The following PARN variants were observed in gnomAD, a reference collection of about 807,000 sequenced individuals.
PARN encodes poly(A)-specific ribonuclease, also known as poly(A)-specific ribonuclease PARN.
In PARN, 71 loss-of-function variants were observed where a neutral mutation model predicts 102.8. The ratio of observed to expected loss-of-function variants is 0.69; its 90% confidence interval spans 0.57 to 0.84. The LOEUF (loss-of-function observed/expected upper bound fraction) is 0.84, where lower values mean the gene tolerates loss of function less well. PARN is among the 40% of genes least tolerant of loss of function. The pLI is 0.00. For synonymous variants in PARN, 261 were observed against 252.9 expected, an observed-to-expected ratio of 1.03 and a Z score of -0.30; for missense variants, 782 against 760.9, an observed-to-expected ratio of 1.03 and a Z score of -0.33.
intron 11 of PARN, among the ~76,000 whole-genome samples, chr16:14,603,389 T>C (rs1873820082): frequency 6.6e-6 from 1 of 152,180 alleles, no homozygotes; most frequent in Non-Finnish European, 1.5e-5. Context: ...CTAATGTACA[T>C]ATGAGCATGA....
rs184861311 is a variant in PARN, at chr16:14,608,941, T to C, written c.620+117A>G. ...AGTTAGTGTTTAATTCTTGAGAACA[T>C]AGCAATAATAAAAAGACCCTTTATA... On this transcript the variant is annotated intron_variant, in intron 8 of 23. Transcript: ENST00000437198. The C allele has an allele frequency of 6.3e-4, 404 of 641,498 alleles. 3 individuals carry two copies. In the African/African-American group the frequency reaches 6.7e-3, roughly 11 times the overall value. The allele number at this position is 641,498 out of a possible 1,614,324, so 39.7% of individuals were successfully genotyped here.
intron 21 of PARN, among the ~76,000 whole-genome samples, chr16:14,512,153 T>A (rs899964126): frequency 3.3e-5 from 5 of 152,196 alleles, no homozygotes; most frequent in African/African-American, 4.8e-5. Context: ...TAGCTAAGAA[T>A]TACCATTTAG....
At chr16:14,465,428 T>A (rs1962274792) in intron 22 of PARN, among the ~76,000 whole-genome samples, 1 of 152,112 alleles carries the variant, frequency 6.6e-6, no homozygotes, top group East Asian at 1.9e-4. Context: ...ACCGACTAAA[T>A]AAGAAATATA....
intron 23 of PARN, among the ~76,000 whole-genome samples, chr16:14,445,611 G>C (rs1483499224): frequency 6.6e-6 from 1 of 152,192 alleles, no homozygotes; most frequent in Non-Finnish European, 1.5e-5. Flanking sequence ...GCCCAGGATG[G>C]AGTGCAGTGG....
At chr16:14,605,219 C>T (rs541860662) in intron 10 of PARN, among the ~76,000 whole-genome samples, 1 of 152,350 alleles carries the variant, frequency 6.6e-6, no homozygotes, top group South Asian at 2.1e-4. Context: ...GCTGGGATTA[C>T]AGGCCTGAGC....
intron 21 of PARN, among the ~76,000 whole-genome samples, chr16:14,528,270 G>GAA (rs1259603591): frequency 3.3e-5 from 5 of 152,144 alleles, no homozygotes; most frequent in African/African-American, 1.2e-4. Flanking sequence ...CTACTGAAGT[G>GAA]GGACCCCCAC....
chr16:14,450,535 CAT>C (rs554546406), intron 22 of PARN, among the ~76,000 whole-genome samples: 7 of 151,618 alleles, frequency 4.6e-5, no homozygotes, highest in Non-Finnish European at 8.8e-5. Context: ...CACACACACA[CAT>C]ATATATATAC....
intron 5 of PARN, among the ~76,000 whole-genome samples, chr16:14,621,848 G>A (rs1972323135): frequency 6.6e-6 from 1 of 151,236 alleles, no homozygotes; most frequent in African/African-American, 2.4e-5. Flanking sequence ...AAACCTTTTG[G>A]AGTTTACTAG....
intron 21 of PARN, among the ~76,000 whole-genome samples, chr16:14,536,393 T>C (rs930658592): frequency 3.9e-5 from 6 of 152,078 alleles, no homozygotes; most frequent in Admixed American, 6.6e-5. Context: ...GCCTCAGAAA[T>C]AAGGATCCTT....
At chr16:14,602,798 GT>G (rs765274530) in intron 11 of PARN, among the ~76,000 whole-genome samples, 24 of 152,254 alleles carry the variant, frequency 1.6e-4, no homozygotes, top group East Asian at 1.9e-4. Flanking sequence ...TTCTGAGGAG[GT>G]GTGGGGCTCT....
At chr16:14,609,910 G>A (rs922322089) in intron 7 of PARN, among the ~76,000 whole-genome samples, 1 of 152,178 alleles carries the variant, frequency 6.6e-6, no homozygotes, top group Non-Finnish European at 1.5e-5. Context: ...CAGCTGATTA[G>A]CATTTAAAAA....
intron 10 of PARN, 42 bp from the exon 11 acceptor site, chr16:14,604,268 C>T (rs1567439778): frequency 3.9e-6 from 5 of 1,289,102 alleles, no homozygotes; most frequent in South Asian, 1.3e-5. Context: ...TTTTCTTTTT[C>T]TTTTTTTTTG....
Position 14,570,175 on chromosome 16 carries a change from C to T in PARN, c.1262+10699G>A, listed in dbSNP as rs1968702066. Among the ~76,000 whole-genome samples, 3 of 151,714 alleles carry T rather than the reference C, an allele frequency of 2.0e-5. No homozygotes were observed. In the South Asian group the frequency reaches 6.2e-4, roughly 32 times the overall value. On this transcript the variant is annotated intron_variant, in intron 18 of 23. Transcript: ENST00000437198. ...CCAACATGGTGAAACCCTGACTCTA[C>T]TAAAAATACAAAAATTAGCAGGGTG...
chr16:14,463,691 T>C (rs980051067), intron 22 of PARN, among the ~76,000 whole-genome samples: 22 of 152,036 alleles, frequency 1.4e-4, no homozygotes, highest in African/African-American at 5.1e-4. Context: ...ATTTTAAAAA[T>C]TAAAGAGAGC....
intron 18 of PARN, among the ~76,000 whole-genome samples, chr16:14,574,755 A>C (rs1204952880): frequency 6.6e-6 from 1 of 152,188 alleles, no homozygotes; most frequent in Non-Finnish European, 1.5e-5. Flanking sequence ...GGAGAAATTA[A>C]GCTGGCTGCA....
In PARN at chr16:14,564,274, A is replaced by G. The variant is rs1348046501; in HGVS notation, c.1263-8565T>C. On this transcript the variant is annotated intron_variant, in intron 18 of 23. Transcript: ENST00000437198. ...GCAAGTGCTCAGGATACAACATCCC[A>G]GAAACATTTTTTTATAATACTCAAA... Among the ~76,000 whole-genome samples the G allele has an allele frequency of 3.9e-5, 6 of 152,376 alleles. No individual in the cohort carries two copies. In the East Asian group the frequency reaches 7.7e-4, roughly 20 times the overall value.
intron 21 of PARN, among the ~76,000 whole-genome samples, chr16:14,528,318 G>C (rs1966120346): frequency 6.6e-6 from 1 of 152,214 alleles, no homozygotes; most frequent in Admixed American, 6.5e-5. Context: ...GCACTGATAA[G>C]AGATTAATTA....
At chr16:14,460,208 CCA>C (rs1428854733) in intron 22 of PARN, among the ~76,000 whole-genome samples, 1 of 152,142 alleles carries the variant, frequency 6.6e-6, no homozygotes, top group Non-Finnish European at 1.5e-5. Context: ...AGATTTGCCT[CCA>C]CACCCAGAGC....
chr16:14,603,729 G>A (rs1286903493), intron 11 of PARN, among the ~76,000 whole-genome samples: 1 of 152,138 alleles, frequency 6.6e-6, no homozygotes, highest in African/African-American at 2.4e-5. Context: ...TCTTCACACA[G>A]CAAGCAGGGT....
Sources: gnomAD v4.1 joint callset for allele counts (sites outside exome capture counted in the v4.1 genomes callset) on GRCh38, gnomAD v4.1.1 for gene constraint, MANE v1.5 for transcripts, NCBI Gene and HGNC (gene_info 2026-07-23, HGNC 2026-07-21) for gene names.